The following DNAH11 variants were observed in gnomAD, a reference collection of about 807,000 sequenced individuals.
The protein encoded by DNAH11 is dynein axonemal heavy chain 11.
Under a neutral mutation model 526.0 loss-of-function variants are expected in DNAH11, and 442 were observed. That is an observed-to-expected ratio of 0.84 (90% confidence interval 0.78 to 0.91). DNAH11 has a LOEUF of 0.91. Among genes scored for constraint, DNAH11 ranks in the 40% least tolerant of loss-of-function variants. The pLI, the probability that DNAH11 is intolerant of heterozygous loss-of-function variation, is 0.00. For missense variants in DNAH11, 6,989 were observed against 5,448.7 expected, an observed-to-expected ratio of 1.28 and a Z score of -8.90; for synonymous variants, 2,461 against 1,935.9, an observed-to-expected ratio of 1.27 and a Z score of -7.12.
At chr7:21,731,333 G>C (rs1785375917) in intron 45 of DNAH11, among the ~76,000 whole-genome samples, 1 of 152,062 alleles carries the variant, frequency 6.6e-6, no homozygotes, top group Admixed American at 6.5e-5. Flanking sequence ...AATTATAGTT[G>C]TAACCTGGAG....
intron 24 of DNAH11, among the ~76,000 whole-genome samples, chr7:21,619,647 G>A (rs1445039602): frequency 6.6e-6 from 1 of 152,110 alleles, no homozygotes; most frequent in African/African-American, 2.4e-5. Context: ...GTTTCATGCT[G>A]GCTAATTTGT....
At chr7:21,612,621 C>G (rs1785579075) in intron 20 of DNAH11, among the ~76,000 whole-genome samples, 1 of 149,574 alleles carries the variant, frequency 6.7e-6, no homozygotes, top group African/African-American at 2.5e-5. Flanking sequence ...TCTTAAGAAG[C>G]TTTCAAGAAA....
At chr7:21,892,891 C>T (rs1184893720) in intron 77 of DNAH11, among the ~76,000 whole-genome samples, 1 of 152,184 alleles carries the variant, frequency 6.6e-6, no homozygotes, top group African/African-American at 2.4e-5. Context: ...ATCTTTACCT[C>T]TATCATCACA....
chr7:21,569,587 T>G (rs1239558037), intron 6 of DNAH11, among the ~76,000 whole-genome samples: 1 of 152,162 alleles, frequency 6.6e-6, no homozygotes, highest in Non-Finnish European at 1.5e-5. Flanking sequence ...AGAAGAGAAG[T>G]TTGCTAACTT....
At chr7:21,677,087 C>T (rs1173377572) in intron 30 of DNAH11, among the ~76,000 whole-genome samples, 1 of 151,800 alleles carries the variant, frequency 6.6e-6, no homozygotes, top group Admixed American at 6.6e-5. Context: ...AGACATAAAA[C>T]AATAATCACA....
At chr7:21,577,070 G>A (rs945010793) in intron 8 of DNAH11, among the ~76,000 whole-genome samples, 2 of 152,234 alleles carry the variant, frequency 1.3e-5, no homozygotes, top group African/African-American at 4.8e-5. Context: ...GTGATGATGA[G>A]TTCCCTGGAT....
Position 21,892,774 on chromosome 7 carries a change from C to G in DNAH11, c.12750+107C>G, listed in dbSNP as rs1784371564. The G allele has an allele frequency of 4.0e-6, 5 of 1,255,574 alleles. No homozygotes were observed. In the African/African-American group the frequency reaches 4.5e-5, roughly 11 times the overall value. The allele number at this position is 1,255,574 out of a possible 1,614,324, so 77.8% of individuals were successfully genotyped here. A position where few individuals can be genotyped will look rare whatever the true frequency, so the allele number is the denominator to read the frequency against. The stretch of plus-strand genomic sequence containing the variant: ...TCAATAAGTTTTTACCTAGGTTTTA[C>G]TCATACAACCACCACCTAGATCAAA... On this transcript the variant is annotated intron_variant, in intron 77 of 81. Transcript: ENST00000409508.
At chr7:21,632,357 T>G (rs959271385) in intron 25 of DNAH11, among the ~76,000 whole-genome samples, 1 of 152,244 alleles carries the variant, frequency 6.6e-6, no homozygotes. Context: ...TTTGCAAATT[T>G]CTGCAGTCAG....
At chr7:21,800,359 C>G (rs563229327) in intron 61 of DNAH11, among the ~76,000 whole-genome samples, 2 of 152,296 alleles carry the variant, frequency 1.3e-5, no homozygotes, top group African/African-American at 4.8e-5. Flanking sequence ...GGGTCAGGCA[C>G]AGTGGCTCAT....
At chr7:21,833,208 A>G (rs886891119) in intron 65 of DNAH11, among the ~76,000 whole-genome samples, 8 of 152,182 alleles carry the variant, frequency 5.3e-5, no homozygotes, top group African/African-American at 1.4e-4. Context: ...TCTTTTCATC[A>G]GGGAATATAT....
chr7:21,739,622 C>T lies in DNAH11; in HGVS notation c.7863C>T (p.Val2621=), dbSNP rs755501742. The change falls in exon 48 of 82, where the codon GTC becomes GTT. Residue 2621 remains valine, a synonymous_variant. Transcript: ENST00000409508. ...AAGAAATCCATAACTGCCAGTATGT[C>T]GCCTGCATGAATCCGATGGTGGGCA... The part of the protein sequence containing the change: ...MLKEIHNCQY[V]ACMNPMVGSF... 20 of 1,612,764 alleles carry T rather than the reference C, an allele frequency of 1.2e-5. No homozygotes were observed. The highest frequency in any genetic ancestry group is 1.7e-4 in the Middle Eastern group (1 of 6,058).
chr7:21,556,950 A>G (rs1783244252), intron 2 of DNAH11, among the ~76,000 whole-genome samples: 1 of 151,810 alleles, frequency 6.6e-6, no homozygotes, highest in Non-Finnish European at 1.5e-5. Flanking sequence ...AATCCTGGCT[A>G]CTCGGGAGGC....
rs199706799 is a variant in DNAH11 at position 21,901,080 on chromosome 7, C to T, written c.13377C>T (p.Val4459=). 9.0e-5 allele frequency: 145 copies of T among 1,613,938 alleles called. No homozygotes were observed. In the Middle Eastern group the frequency reaches 1.3e-3, roughly 15 times the overall value. Residue 4459 remains valine, a synonymous_variant, in exon 82 of 82, where the codon GTC becomes GTT. Coordinates refer to ENST00000409508, the MANE Select transcript of DNAH11 (RefSeq NM_001277115.2). The part of the protein sequence containing the change: ...RLKELACPMP[V]IFAKATPVDR... Reference sequence around the variant, plus strand: ...AGGAGCTGGCATGCCCTATGCCGGTCATCTTTGCAAAAGCCACCCCCGTGG... The same window carrying T: ...AGGAGCTGGCATGCCCTATGCCGGTTATCTTTGCAAAAGCCACCCCCGTGG...
intron 81 of DNAH11, among the ~76,000 whole-genome samples, chr7:21,900,542 GTTAGACTATGCAA>G (rs1562613411): frequency 1.4e-5 from 2 of 142,088 alleles, no homozygotes; most frequent in African/African-American, 5.0e-5. Flanking sequence ...CTAAGAGGGG[GTTAGACTATGCAA>G]TATTTTCCAA....
At chr7:21,812,032 G>C (rs544257339) in intron 63 of DNAH11, among the ~76,000 whole-genome samples, 14 of 152,082 alleles carry the variant, frequency 9.2e-5, no homozygotes, top group Non-Finnish European at 1.6e-4. Context: ...ATCTTCCCGG[G>C]TGATTCTGAT....
rs148818900 is a variant in DNAH11 at position 21,724,261 on chromosome 7, A to G, written c.7267-1550A>G. Among the ~76,000 whole-genome samples, 390 of 152,328 alleles carry G rather than the reference A, an allele frequency of 2.6e-3. 3 individuals are homozygous for G. The highest frequency in any genetic ancestry group is 7.2e-4 in the Non-Finnish European group (49 of 68,038). On this transcript the variant is annotated intron_variant, in intron 44 of 81. Coordinates refer to ENST00000409508, the MANE Select transcript of DNAH11 (RefSeq NM_001277115.2). ...TTTGTAGGGTGAAGAAGTATCTTCTACCACCAATCTGAAAATAATTTAAAT... is the reference window on the plus strand; with the variant it reads ...TTTGTAGGGTGAAGAAGTATCTTCTGCCACCAATCTGAAAATAATTTAAAT...
At chr7:21,819,819 A>G (rs1386223287) in intron 65 of DNAH11, among the ~76,000 whole-genome samples, 2 of 152,196 alleles carry the variant, frequency 1.3e-5, no homozygotes, top group Admixed American at 1.3e-4. Context: ...TAGAGCTTCA[A>G]GTCTTTATCA....
chr7:21,663,248 C>CAT (rs1782303989), intron 30 of DNAH11, among the ~76,000 whole-genome samples: 1 of 151,940 alleles, frequency 6.6e-6, no homozygotes, highest in Non-Finnish European at 1.5e-5. Context: ...AGGTTGATTC[C>CAT]GTAAGTTTGC....
chr7:21,875,362 A>G (rs1212688460), intron 74 of DNAH11, among the ~76,000 whole-genome samples: 1 of 152,156 alleles, frequency 6.6e-6, no homozygotes, highest in African/African-American at 2.4e-5. Context: ...GAAAGTGAAC[A>G]TTTCATGAAC....
Sources: allele counts gnomAD v4.1 joint callset (sites outside exome capture counted in the v4.1 genomes callset), GRCh38; gene constraint gnomAD v4.1.1; transcripts MANE v1.5; gene names NCBI Gene and HGNC (gene_info 2026-07-23, HGNC 2026-07-21).